Variants in CHD6 observed in about 807,000 individuals in gnomAD.
The protein encoded by CHD6 is ATP-dependent chromatin remodeler CHD6.
CHD6 carries 50 observed loss-of-function variants against 276.9 expected under a neutral mutation model. The ratio of observed to expected loss-of-function variants is 0.18; its 90% CI spans 0.14 to 0.23. CHD6 has a LOEUF of 0.23. Ranked by LOEUF, CHD6 falls within the 10% of genes least tolerant of loss-of-function variation. The pLI, the probability that CHD6 is intolerant of heterozygous loss-of-function variation, is 1.00. For missense variants in CHD6, 2,564 were observed against 3,365.8 expected (o/e 0.76, Z 5.89); for synonymous variants, 1,173 against 1,229.3 (o/e 0.95, Z 0.96).
Position 41,417,355 on chromosome 20 carries a change from AAG to A in CHD6, c.6128-8_6128-7del. ...AGAGTACTTCCCTGGATAATCTGGG[AAG>A]AGGTTAAAAAATTAATCAGGCACTT... is the stretch of plus-strand genomic sequence containing the variant. On this transcript the variant is annotated splice_polypyrimidine_tract_variant and splice_region_variant and intron_variant, in intron 31 of 36. Transcript: ENST00000373233. 6.2e-7 allele frequency: 1 copy of A among 1,609,532 alleles called. No homozygotes were observed. Among genetic ancestry groups the A allele is most frequent in the Non-Finnish European group, 8.5e-7 (1 of 1,178,904 alleles).
chr20:41,593,084 T>C (rs2045680177), intron 1 of CHD6, among the ~76,000 whole-genome samples: 1 of 151,368 alleles, frequency 6.6e-6, no homozygotes, highest in Non-Finnish European at 1.5e-5. Flanking sequence ...ACAATCCTTC[T>C]ACAGAAAACA....
At chr20:41,529,866 G>A (rs766002343) in intron 3 of CHD6, among the ~76,000 whole-genome samples, 11 of 152,258 alleles carry the variant, frequency 7.2e-5, no homozygotes, top group South Asian at 6.2e-4. Context: ...AAGATTCTAA[G>A]CGGTTATAAA....
chr20:41,546,803 T>C (rs1374158048), intron 2 of CHD6, among the ~76,000 whole-genome samples: 2 of 152,244 alleles, frequency 1.3e-5, no homozygotes, highest in Non-Finnish European at 2.9e-5. Context: ...TAGATAAAAG[T>C]CTATAGCTCT....
intron 2 of CHD6, among the ~76,000 whole-genome samples, chr20:41,540,987 A>T (rs1202706087): frequency 1.3e-5 from 2 of 150,176 alleles, no homozygotes; most frequent in African/African-American, 4.9e-5. Flanking sequence ...CTTCTGAAAG[A>T]TTTTTTTTAA....
chr20:41,472,856 G>A (rs879876061), intron 17 of CHD6, among the ~76,000 whole-genome samples: 3 of 152,198 alleles, frequency 2.0e-5, no homozygotes, highest in Non-Finnish European at 4.4e-5. Context: ...TGCACTGTGT[G>A]GAGAACAAAG....
chr20:41,488,468 C>T lies in CHD6; in HGVS notation c.1817G>A (p.Arg606Lys). 1 of 1,613,928 alleles carries T rather than the reference C, an allele frequency of 6.2e-7. No individual in the cohort carries two copies. The highest frequency in any genetic ancestry group is 1.1e-5 in the South Asian group (1 of 91,056). Residue 606 changes from arginine to lysine, a missense_variant, in exon 13 of 37, where the codon AGG becomes AAG. Coordinates refer to ENST00000373233, the MANE Select transcript of CHD6 (RefSeq NM_032221.5). ...IIDEAHRLKN[R>K]NCKLLEGLKL... Reference sequence around the variant, plus strand: ...TAGACCCTCCAGAAGTTTGCAGTTCCTATTCTTCAGTCTGTGGGCTTCATC... The same window carrying T: ...TAGACCCTCCAGAAGTTTGCAGTTCTTATTCTTCAGTCTGTGGGCTTCATC...
At chr20:41,492,120 T>C (rs2043570352) in intron 10 of CHD6, among the ~76,000 whole-genome samples, 1 of 152,200 alleles carries the variant, frequency 6.6e-6, no homozygotes, top group Non-Finnish European at 1.5e-5. Context: ...TGGTGCTGTA[T>C]TTATTTATCC....
At chr20:41,524,786 C>G (rs965743238) in intron 3 of CHD6, among the ~76,000 whole-genome samples, 1 of 152,182 alleles carries the variant, frequency 6.6e-6, no homozygotes, top group Non-Finnish European at 1.5e-5. Flanking sequence ...TTAGTGGAGG[C>G]AACCACACTT....
At chr20:41,590,299 C>T (rs982815650) in intron 1 of CHD6, among the ~76,000 whole-genome samples, 3 of 152,186 alleles carry the variant, frequency 2.0e-5, no homozygotes, top group African/African-American at 2.4e-5. Flanking sequence ...AGGACACAGG[C>T]ATGGGCAAGA....
At chr20:41,456,555 T>G (rs2048382768) in intron 18 of CHD6, among the ~76,000 whole-genome samples, 1 of 152,150 alleles carries the variant, frequency 6.6e-6, no homozygotes, top group Admixed American at 6.5e-5. Context: ...GGGAATTCCA[T>G]GACTCTCTGC....
chr20:41,583,235 A>G (rs977377665), intron 1 of CHD6, among the ~76,000 whole-genome samples: 2 of 152,210 alleles, frequency 1.3e-5, no homozygotes, highest in African/African-American at 4.8e-5. Context: ...TTCACAGTTA[A>G]ATAGCTAAAA....
chr20:41,474,352 G>A (rs557316425), intron 16 of CHD6, among the ~76,000 whole-genome samples: 6 of 152,280 alleles, frequency 3.9e-5, no homozygotes, highest in African/African-American at 1.2e-4. Context: ...CCCATCTAGA[G>A]GGAAAACAGA....
chr20:41,494,033 C>A, intron 8 of CHD6, 89 bp from the exon 9 acceptor site: 1 of 838,702 alleles, frequency 1.2e-6, no homozygotes, highest in Non-Finnish European at 2.0e-6. Flanking sequence ...GATCCCTACT[C>A]TAGGCCCTAT....
intron 1 of CHD6, among the ~76,000 whole-genome samples, chr20:41,602,947 T>A (rs1217850575): frequency 6.6e-6 from 1 of 152,134 alleles, no homozygotes; most frequent in Non-Finnish European, 1.5e-5. Flanking sequence ...CCCCTCAAAG[T>A]GCTAGGATTA....
intron 17 of CHD6, among the ~76,000 whole-genome samples, chr20:41,463,538 C>T (rs1217238067): frequency 6.6e-6 from 1 of 152,166 alleles, no homozygotes; most frequent in Non-Finnish European, 1.5e-5. Flanking sequence ...ATTGAGATGG[C>T]TGTGTCAGTT....
At chr20:41,456,129 T>A in intron 18 of CHD6, 150 bp from the exon 19 acceptor site, 1 of 675,416 alleles carries the variant, frequency 1.5e-6, no homozygotes, top group South Asian at 3.2e-5. Context: ...GCTAGTGAAA[T>A]CCCAGATGCG....
chr20:41,487,438 C>T (rs986948836), intron 14 of CHD6, among the ~76,000 whole-genome samples: 14 of 152,086 alleles, frequency 9.2e-5, no homozygotes, highest in Admixed American at 3.9e-4. Flanking sequence ...ATATTTTGGG[C>T]GCATAAGATA....
At chr20:41,584,183 AAGCT>A (rs1251884330) in intron 1 of CHD6, among the ~76,000 whole-genome samples, 2 of 152,136 alleles carry the variant, frequency 1.3e-5, no homozygotes, top group African/African-American at 4.8e-5. Flanking sequence ...AATCAAAAGA[AAGCT>A]AGAGAGGTTA....
Position 41,514,941 on chromosome 20 carries a change from C to G in CHD6, c.566G>C (p.Gly189Ala). ...TKSRKASKEQ[G>A]PTPVEKKKKG... ...CTTCTTTTTCTCCACTGGGGTTGGT[C>G]CTTGCTCCTTGCTACAAGGAGAAAT... is the stretch of plus-strand genomic sequence containing the variant. The change falls in exon 4 of 37, where the codon GGA becomes GCA. Residue 189 changes from glycine to alanine, a missense_variant. By Grantham distance (60) the Gly-to-Ala change is moderately conservative. Coordinates refer to ENST00000373233, the MANE Select transcript of CHD6 (RefSeq NM_032221.5). 1 of 1,613,874 alleles carries G rather than the reference C, an allele frequency of 6.2e-7. No homozygotes were observed. Among genetic ancestry groups the G allele is most frequent in the Non-Finnish European group, 8.5e-7 (1 of 1,179,878 alleles).
Sources: gnomAD v4.1 joint callset for allele counts (sites outside exome capture counted in the v4.1 genomes callset) on GRCh38, gnomAD v4.1.1 for gene constraint, MANE v1.5 for transcripts, NCBI Gene and HGNC (gene_info 2026-07-23, HGNC 2026-07-21) for gene names.